Variants in ADGRL3 observed in about 807,000 individuals in gnomAD.
The protein encoded by ADGRL3 is calcium-independent alpha-latrotoxin receptor 3.
ADGRL3 carries 62 observed loss-of-function variants against 153.5 expected under a neutral mutation model. The ratio of observed to expected loss-of-function variants is 0.40; its 90% confidence interval spans 0.33 to 0.50. ADGRL3 has a LOEUF of 0.50. ADGRL3 is among the 20% of genes least tolerant of loss of function. The probability of loss-of-function intolerance (pLI) is 0.47; values close to 1 mark genes in which losing one functional copy is unlikely to be tolerated. For synonymous variants in ADGRL3, 710 were observed against 672.5 expected (o/e 1.06, Z -0.86); for missense variants, 1,641 against 1,859.4 (o/e 0.88, Z 2.16).
chr4:61,539,850 G>T (rs961461032), intron 4 of ADGRL3, among the ~76,000 whole-genome samples: 1 of 152,122 alleles, frequency 6.6e-6, no homozygotes, highest in Non-Finnish European at 1.5e-5. Context: ...TCCCTCAGGG[G>T]ACTGTCTCTG....
At chr4:61,980,966 CAT>C (rs1251474565) in intron 18 of ADGRL3, among the ~76,000 whole-genome samples, 3 of 152,090 alleles carry the variant, frequency 2.0e-5, no homozygotes, top group African/African-American at 4.8e-5. Context: ...TTTGTGTGGA[CAT>C]ATGTTTTTAA....
chr4:61,972,754 G>A (rs2099033581), intron 17 of ADGRL3, among the ~76,000 whole-genome samples: 1 of 151,986 alleles, frequency 6.6e-6, no homozygotes, highest in Admixed American at 6.6e-5. Context: ...TGGGCAGTAT[G>A]GCCATTTTCA....
intron 5 of ADGRL3, among the ~76,000 whole-genome samples, chr4:61,611,305 C>A (rs972836020): frequency 1.3e-5 from 2 of 152,060 alleles, no homozygotes; most frequent in Admixed American, 1.3e-4. Flanking sequence ...AGTCACAAGC[C>A]ACTGGCAAGA....
chr4:61,481,697 C>A (rs184153670), intron 2 of ADGRL3, among the ~76,000 whole-genome samples: 2 of 150,754 alleles, frequency 1.3e-5, no homozygotes, highest in African/African-American at 2.4e-5. Context: ...TTAGAATATA[C>A]ATTTTAATGA....
intron 8 of ADGRL3, among the ~76,000 whole-genome samples, chr4:61,750,705 G>A (rs2096744755): frequency 6.6e-6 from 1 of 151,278 alleles, no homozygotes; most frequent in Admixed American, 6.6e-5. Context: ...CAGGAGAATG[G>A]CGTGAACCCG....
At chr4:61,384,542 C>G (rs2096713201) in intron 2 of ADGRL3, among the ~76,000 whole-genome samples, 1 of 151,698 alleles carries the variant, frequency 6.6e-6, no homozygotes, top group African/African-American at 2.4e-5. Context: ...TTAAATTCCT[C>G]AAATCCACTG....
intron 8 of ADGRL3, among the ~76,000 whole-genome samples, chr4:61,778,687 G>T (rs1283498498): frequency 1.3e-5 from 2 of 152,116 alleles, no homozygotes; most frequent in African/African-American, 4.8e-5. Flanking sequence ...CATTAGTATT[G>T]ACAGCCTAAT....
chr4:61,855,272 T>G (rs1240370013), intron 9 of ADGRL3, among the ~76,000 whole-genome samples: 2 of 152,326 alleles, frequency 1.3e-5, no homozygotes, highest in African/African-American at 4.8e-5. Flanking sequence ...AACTAGGAAC[T>G]ATCATCTTTC....
intron 21 of ADGRL3, among the ~76,000 whole-genome samples, chr4:62,008,786 A>T (rs1223299601): frequency 6.6e-6 from 1 of 151,980 alleles, no homozygotes; most frequent in African/African-American, 2.4e-5. Context: ...ATCAAAATAG[A>T]TACACGCATA....
At chr4:61,329,723 T>C (rs2095533919) in intron 1 of ADGRL3, among the ~76,000 whole-genome samples, 1 of 152,224 alleles carries the variant, frequency 6.6e-6, no homozygotes, top group Non-Finnish European at 1.5e-5. Flanking sequence ...TTTTGTGTTG[T>C]CTTTTTATGA....
At chr4:62,067,345 T>C (rs1743508827) in intron 25 of ADGRL3, among the ~76,000 whole-genome samples, 2 of 152,082 alleles carry the variant, frequency 1.3e-5, no homozygotes, top group East Asian at 3.9e-4. Flanking sequence ...AAGAGGTTTT[T>C]TTCCTTAAAA....
At chr4:61,852,640 A>C (rs930045272) in intron 9 of ADGRL3, among the ~76,000 whole-genome samples, 9 of 152,140 alleles carry the variant, frequency 5.9e-5, no homozygotes, top group African/African-American at 2.2e-4. Flanking sequence ...TACAACAAAA[A>C]AATTTGTTTT....
chr4:61,605,336 T>C (rs1396024659), intron 5 of ADGRL3, among the ~76,000 whole-genome samples: 1 of 152,108 alleles, frequency 6.6e-6, no homozygotes, highest in South Asian at 2.1e-4. Flanking sequence ...AAGTAAATAA[T>C]ATTTTTTACT....
chr4:61,985,256 A>ATT (rs200272018), intron 19 of ADGRL3, among the ~76,000 whole-genome samples: 27 of 147,622 alleles, frequency 1.8e-4, no homozygotes, highest in East Asian at 1.6e-3. Flanking sequence ...ATAAACTAGG[A>ATT]TTTTTTTTTT....
intron 9 of ADGRL3, among the ~76,000 whole-genome samples, chr4:61,863,608 A>G (rs571243679): frequency 9.8e-5 from 15 of 152,322 alleles, no homozygotes; most frequent in African/African-American, 3.6e-4. Flanking sequence ...TGGTAGCAAT[A>G]TGCAAACAGA....
chr4:61,711,784 C>T (rs1580401911), intron 6 of ADGRL3, among the ~76,000 whole-genome samples: 1 of 151,836 alleles, frequency 6.6e-6, no homozygotes, highest in Non-Finnish European at 1.5e-5. Flanking sequence ...CTGTGGTTGG[C>T]GGAGACTTCA....
At chr4:61,375,590 G>T (rs975150999) in intron 1 of ADGRL3, among the ~76,000 whole-genome samples, 6 of 152,118 alleles carry the variant, frequency 3.9e-5, no homozygotes, top group Admixed American at 1.3e-4. Context: ...TGGAGCAATG[G>T]TAGAGTGCTT....
intron 8 of ADGRL3, among the ~76,000 whole-genome samples, chr4:61,744,805 C>T (rs1416785712): frequency 2.0e-5 from 3 of 152,182 alleles, no homozygotes; most frequent in African/African-American, 2.4e-5. Flanking sequence ...AAAAGCAGAG[C>T]ACCTCTCCCC....
intron 5 of ADGRL3, among the ~76,000 whole-genome samples, chr4:61,656,463 T>C (rs1391807854): frequency 6.6e-6 from 1 of 152,090 alleles, no homozygotes; most frequent in Non-Finnish European, 1.5e-5. Flanking sequence ...TAAATACTTA[T>C]TGAGACCAAT....
Sources: allele counts gnomAD v4.1 joint callset (sites outside exome capture counted in the v4.1 genomes callset), GRCh38; gene constraint gnomAD v4.1.1; transcripts MANE v1.5; gene names NCBI Gene and HGNC (gene_info 2026-07-23, HGNC 2026-07-21).